TSPAN18: variants seen among roughly 807,000 people sequenced by gnomAD.
The protein encoded by TSPAN18 is tetraspanin 18.
A neutral mutation model predicts 27.3 loss-of-function variants in TSPAN18; 14 were observed. The observed-to-expected ratio is 0.51, with a 90% confidence interval of 0.34 to 0.80. The LOEUF (loss-of-function observed/expected upper bound fraction) is 0.80, where lower values mean the gene tolerates loss of function less well. Among genes scored for constraint, TSPAN18 ranks in the 30% least tolerant of loss-of-function variants. The pLI is 0.01. For missense variants in TSPAN18, 268 were observed against 323.9 expected, an observed-to-expected ratio of 0.83 and a Z score of 1.32; for synonymous variants, 143 against 136.5, an observed-to-expected ratio of 1.05 and a Z score of -0.33.
intron 1 of TSPAN18, among the ~76,000 whole-genome samples, chr11:44,757,997 T>C (rs1277565343): frequency 6.6e-6 from 1 of 152,232 alleles, no homozygotes; most frequent in Non-Finnish European, 1.5e-5. Flanking sequence ...CTATTTTTCC[T>C]TTTGTTGTCT....
chr11:44,862,412 C>G (rs1857920930), intron 3 of TSPAN18, among the ~76,000 whole-genome samples: 1 of 152,268 alleles, frequency 6.6e-6, no homozygotes, highest in African/African-American at 2.4e-5. Flanking sequence ...CCCAGTCTCT[C>G]TCGCTCTGTG....
At chr11:44,868,417 G>A (rs969021519) in intron 3 of TSPAN18, among the ~76,000 whole-genome samples, 3 of 152,280 alleles carry the variant, frequency 2.0e-5, no homozygotes, top group Admixed American at 6.5e-5. Flanking sequence ...AGAGGATCCT[G>A]TCGGGGCCCG....
At chr11:44,803,132 G>A (rs1158185935) in intron 2 of TSPAN18, among the ~76,000 whole-genome samples, 1 of 152,214 alleles carries the variant, frequency 6.6e-6, no homozygotes, top group African/African-American at 2.4e-5. Context: ...GGGAGTGTAT[G>A]CAGACCACAA....
chr11:44,799,955 C>T (rs573021777), intron 2 of TSPAN18, among the ~76,000 whole-genome samples: 11 of 151,568 alleles, frequency 7.3e-5, no homozygotes, highest in African/African-American at 1.5e-4. Context: ...CTCAGCCTCC[C>T]GAGTAGCTGT....
intron 2 of TSPAN18, among the ~76,000 whole-genome samples, chr11:44,834,225 C>A (rs1399533456): frequency 6.6e-6 from 1 of 151,992 alleles, no homozygotes; most frequent in Non-Finnish European, 1.5e-5. Flanking sequence ...GAGTTATTAG[C>A]TTCTTTCCAG....
At chr11:44,839,054 C>T (rs1400451613) in intron 2 of TSPAN18, among the ~76,000 whole-genome samples, 1 of 152,140 alleles carries the variant, frequency 6.6e-6, no homozygotes, top group Non-Finnish European at 1.5e-5. Context: ...TTATCCAATC[C>T]GTTGGAAGGC....
chr11:44,823,865 A>G (rs1856979557), intron 2 of TSPAN18, among the ~76,000 whole-genome samples: 1 of 152,172 alleles, frequency 6.6e-6, no homozygotes, highest in Non-Finnish European at 1.5e-5. Flanking sequence ...TGAGTCGAGT[A>G]GCTGGTGGAG....
intron 3 of TSPAN18, among the ~76,000 whole-genome samples, chr11:44,869,995 C>T (rs1041929755): frequency 2.4e-4 from 2 of 8,404 alleles, no homozygotes; most frequent in African/African-American, 7.5e-4. Context: ...CCCGCAGTGC[C>T]ACACTTCCCC....
At chr11:44,914,992 G>A (rs575902082) in intron 5 of TSPAN18, among the ~76,000 whole-genome samples, 112 of 152,342 alleles carry the variant, frequency 7.4e-4, no homozygotes, top group African/African-American at 2.5e-3. Flanking sequence ...GAAGCCATGC[G>A]CAGTCATCCT....
chr11:44,874,147 T>G (rs1165428413), intron 3 of TSPAN18, among the ~76,000 whole-genome samples: 1 of 152,206 alleles, frequency 6.6e-6, no homozygotes, highest in Non-Finnish European at 1.5e-5. Flanking sequence ...GCAAACTCCT[T>G]CACACCACTG....
chr11:44,793,093 G>A (rs1464091931), intron 2 of TSPAN18, among the ~76,000 whole-genome samples: 2 of 152,168 alleles, frequency 1.3e-5, no homozygotes, highest in African/African-American at 4.8e-5. Context: ...GCGGGGTCTA[G>A]GGTGTCTGTT....
At chr11:44,803,217 A>C (rs988176776) in intron 2 of TSPAN18, among the ~76,000 whole-genome samples, 41 of 152,170 alleles carry the variant, frequency 2.7e-4, no homozygotes, top group Non-Finnish European at 5.3e-4. Flanking sequence ...TTCAGAAGAC[A>C]AGTCGACAGA....
chr11:44,784,673 C>T (rs79020056), intron 2 of TSPAN18, among the ~76,000 whole-genome samples: 7,549 of 152,274 alleles, frequency 0.05, 361 homozygotes, highest in East Asian at 0.16. Context: ...TCTGCTGCGT[C>T]CCCAGCCCTT....
intron 9 of TSPAN18, among the ~76,000 whole-genome samples, chr11:44,927,584 C>G (rs145608474): frequency 6.6e-6 from 1 of 152,130 alleles, no homozygotes; most frequent in Non-Finnish European, 1.5e-5. Flanking sequence ...CTGCAGATGG[C>G]GGAGAGGGAG....
chr11:44,859,087 G>T (rs971650475), intron 2 of TSPAN18, among the ~76,000 whole-genome samples: 1 of 152,122 alleles, frequency 6.6e-6, no homozygotes, highest in Non-Finnish European at 1.5e-5. Context: ...GGTGATGGGG[G>T]GTAAGGAGAT....
At chr11:44,806,856 T>C (rs1384905075) in intron 2 of TSPAN18, among the ~76,000 whole-genome samples, 1 of 152,136 alleles carries the variant, frequency 6.6e-6, no homozygotes, top group Non-Finnish European at 1.5e-5. Context: ...GTATTAGCAA[T>C]AAGAGGCATG....
At chr11:44,771,170 G>A (rs1315492779) in intron 2 of TSPAN18, among the ~76,000 whole-genome samples, 1 of 152,178 alleles carries the variant, frequency 6.6e-6, no homozygotes, top group African/African-American at 2.4e-5. Context: ...ACTGTCAAGG[G>A]CAGTCATGTG....
chr11:44,870,942 T>G (rs1262750720), intron 3 of TSPAN18, among the ~76,000 whole-genome samples: 2 of 151,922 alleles, frequency 1.3e-5, no homozygotes, highest in Non-Finnish European at 2.9e-5. Context: ...AACCTGAGAG[T>G]GGAGTGGCAT....
In TSPAN18 at chr11:44,932,175, C is replaced by T. The variant is rs1306267010; in HGVS notation, c.*2997C>T. Reference sequence around the variant, plus strand: ...CGAGGCCCCAGCACCCGCCGTCTCCCCAGAAGCCCCCTCCTCCTTCCCCCA... The same window carrying T: ...CGAGGCCCCAGCACCCGCCGTCTCCTCAGAAGCCCCCTCCTCCTTCCCCCA... On this transcript the variant is annotated 3_prime_UTR_variant, in exon 10 of 10. Transcript: ENST00000520358. 2.0e-5 allele frequency: 3 copies of T among 152,154 alleles called. No individual in the cohort carries two copies. Among genetic ancestry groups the T allele is most frequent in the African/African-American group, 7.2e-5 (3 of 41,418 alleles). 9.4% of individuals were successfully genotyped at this position (152,154 alleles called of 1,614,324 possible).
Sources: allele counts gnomAD v4.1 joint callset (sites outside exome capture counted in the v4.1 genomes callset), GRCh38; gene constraint gnomAD v4.1.1; transcripts MANE v1.5; gene names NCBI Gene and HGNC (gene_info 2026-07-23, HGNC 2026-07-21).